Variants in SCAMP1 observed in about 807,000 individuals in gnomAD.
SCAMP1 encodes the protein secretory carrier membrane protein 1.
Under a neutral mutation model 41.8 loss-of-function variants are expected in SCAMP1, and 15 were observed. The ratio of observed to expected loss-of-function variants is 0.36; its 90% CI spans 0.24 to 0.55. The LOEUF is 0.55. SCAMP1 is among the 20% of genes least tolerant of loss of function. The pLI is 0.86. For missense variants in SCAMP1, 341 were observed against 412.6 expected (o/e 0.83, Z 1.50); for synonymous variants, 135 against 136.8 (o/e 0.99, Z 0.09).
intron 1 of SCAMP1, 88 bp downstream of exon 1, chr5:78,360,816 C>A: frequency 1.5e-6 from 2 of 1,309,936 alleles, no homozygotes; most frequent in Non-Finnish European, 2.1e-6. Context: ...CTGCGTCTGC[C>A]CCTCGGCTCC....
chr5:78,396,193 T>C (rs1751645237), intron 2 of SCAMP1, among the ~76,000 whole-genome samples: 1 of 152,188 alleles, frequency 6.6e-6, no homozygotes. Flanking sequence ...ATTATACATT[T>C]GTCCAAACCC....
intron 2 of SCAMP1, among the ~76,000 whole-genome samples, chr5:78,399,316 G>T (rs1390743313): frequency 2.6e-5 from 4 of 152,154 alleles, no homozygotes; most frequent in Non-Finnish European, 4.4e-5. Flanking sequence ...TAAGTTTTCA[G>T]TTCCTTTGGA....
intron 2 of SCAMP1, among the ~76,000 whole-genome samples, chr5:78,395,596 T>G (rs79926210): frequency 7.2e-5 from 11 of 152,322 alleles, no homozygotes; most frequent in African/African-American, 2.4e-4. Context: ...GAGGTTTAAT[T>G]GGGGAAGAAT....
chr5:78,391,465 C>T (rs1260030771), intron 2 of SCAMP1, among the ~76,000 whole-genome samples: 8 of 151,876 alleles, frequency 5.3e-5, no homozygotes, highest in Non-Finnish European at 8.8e-5. Context: ...GGCTGACCCC[C>T]ACCTCCCTCC....
intron 6 of SCAMP1, among the ~76,000 whole-genome samples, chr5:78,439,084 C>T (rs1752847361): frequency 6.6e-6 from 1 of 152,084 alleles, no homozygotes; most frequent in African/African-American, 2.4e-5. Context: ...TTCCTCCATC[C>T]CTTTATTTTG....
intron 6 of SCAMP1, among the ~76,000 whole-genome samples, chr5:78,438,739 G>T (rs1752833310): frequency 6.6e-6 from 1 of 152,200 alleles, no homozygotes; most frequent in Admixed American, 6.5e-5. Context: ...TCCGCTTGGT[G>T]CAGAGCTGAG....
rs62362633 is a variant in SCAMP1 at position 78,422,200 on chromosome 5, A to T, written c.632+240A>T. Among the ~76,000 whole-genome samples, 411 of 152,300 alleles carry T rather than the reference A, an allele frequency of 2.7e-3. 2 individuals are homozygous for T. The highest frequency in any genetic ancestry group is 3.8e-3 in the Non-Finnish European group (259 of 68,022). On this transcript the variant is annotated intron_variant, in intron 6 of 8. Transcript: ENST00000621999. ...AAACATGAAAATTGATGGAAAAATA[A>T]GAACAGTCTTAGAAGTTAATATTTA...
rs752806017 is a variant in SCAMP1 at position 78,421,844 on chromosome 5, T to C, written c.516T>C (p.Ala172=). The change falls in exon 6 of 9, where the codon GCT becomes GCC. Residue 172 remains alanine (A), a synonymous_variant. Transcript: ENST00000621999. ...TLFLNIFGCL[A]WFCVDSARAV... The stretch of plus-strand genomic sequence containing the variant: ...TTCTAAATATCTTCGGATGCTTGGC[T>C]TGGTTTTGTGTTGATTCTGCAAGAG... 2.5e-6 allele frequency: 4 copies of C among 1,613,784 alleles called. No homozygotes were observed. In the Middle Eastern group the frequency reaches 4.9e-4, roughly 199 times the overall value.
chr5:78,367,216 G>C (rs1183031726), intron 1 of SCAMP1, among the ~76,000 whole-genome samples: 2 of 152,180 alleles, frequency 1.3e-5, no homozygotes, highest in East Asian at 3.8e-4. Flanking sequence ...TCCTTTGTAA[G>C]ATGCACCATT....
intron 6 of SCAMP1, among the ~76,000 whole-genome samples, chr5:78,431,335 A>G (rs1186902145): frequency 6.6e-6 from 1 of 151,094 alleles, no homozygotes; most frequent in Non-Finnish European, 1.5e-5. Flanking sequence ...AGACGCAACT[A>G]TAGGTTGCCA....
intron 1 of SCAMP1, among the ~76,000 whole-genome samples, chr5:78,380,291 T>C (rs1332735536): frequency 6.6e-6 from 1 of 152,232 alleles, no homozygotes; most frequent in African/African-American, 2.4e-5. Context: ...TTTGCTGATA[T>C]TTCTTTGGAG....
intron 7 of SCAMP1, among the ~76,000 whole-genome samples, chr5:78,457,203 T>C (rs533081855): frequency 1.2e-3 from 178 of 152,286 alleles, no homozygotes; most frequent in Admixed American, 2.0e-3. Context: ...TCATTCTCCA[T>C]CCAGCTTTGT....
intron 6 of SCAMP1, among the ~76,000 whole-genome samples, chr5:78,425,762 A>C (rs1752453266): frequency 6.6e-6 from 1 of 152,132 alleles, no homozygotes; most frequent in Admixed American, 6.5e-5. Context: ...ACCCACTCTT[A>C]TGGGAAAATT....
At chr5:78,389,436 A>T (rs1156623860) in intron 2 of SCAMP1, among the ~76,000 whole-genome samples, 1 of 152,044 alleles carries the variant, frequency 6.6e-6, no homozygotes, top group East Asian at 1.9e-4. Context: ...TTTTTCTTTT[A>T]AAAATTTATT....
intron 2 of SCAMP1, among the ~76,000 whole-genome samples, chr5:78,399,683 TC>T (rs1299546915): frequency 5.9e-5 from 9 of 152,242 alleles, no homozygotes; most frequent in Non-Finnish European, 1.0e-4. Flanking sequence ...TTTTAAGGGT[TC>T]TTGTATCTTT....
In SCAMP1 at chr5:78,398,355, CTTTTTTTTTTTT is replaced by C. The variant is rs1197381285; in HGVS notation, c.135+9457_135+9468del. ...CTATAGTTTATCCTAGGGTTCACCT[CTTTTTTTTTTTT>C]TTTTTTTTTTTTTTTGAGACAGGGT... On this transcript the variant is annotated intron_variant, in intron 2 of 8. Transcript: ENST00000621999. 1.2e-4 allele frequency among the ~76,000 whole-genome samples: 7 copies of C among 57,464 alleles called. No homozygotes were observed. The East Asian group carries it at 2.0e-3, about 17-fold the overall frequency. The allele number at this position is 57,464 out of a possible 152,430, so 37.7% of individuals were successfully genotyped here.
Position 78,407,766 on chromosome 5 carries a change from A to G in SCAMP1, c.136-7754A>G, listed in dbSNP as rs190256895. ...TTCACTTCCATTCCTTTATTATTTCATCTTTGTGTAGTTTGCTGTTCAACT... is the reference window on the plus strand; with the variant it reads ...TTCACTTCCATTCCTTTATTATTTCGTCTTTGTGTAGTTTGCTGTTCAACT... On this transcript the variant is annotated intron_variant, in intron 2 of 8. Transcript: ENST00000621999. Among the ~76,000 whole-genome samples the G allele has an allele frequency of 4.0e-5, 6 of 151,308 alleles. No homozygotes were observed. The South Asian group carries it at 1.0e-3, about 26-fold the overall frequency.
chr5:78,415,544 C>A lies in SCAMP1; in HGVS notation c.160C>A (p.Pro54Thr), dbSNP rs753642589. The A allele has an allele frequency of 1.9e-6, 3 of 1,605,962 alleles. No homozygotes were observed. In the African/African-American group the frequency reaches 4.0e-5, roughly 21 times the overall value. ...RTPPPGGVKM[P>T]NVPNTQPAIM... is the part of the protein sequence containing the mutation. The stretch of plus-strand genomic sequence containing the variant: ...GCCTCCACCAGGCGGTGTGAAGATG[C>A]CTAATGTACCCAATACACAACCAGC... Residue 54 changes from proline (P) to threonine (T), a missense_variant, in exon 3 of 9, where the codon CCT (proline) becomes ACT (threonine). Pro to Thr is a conservative substitution (Grantham distance 38, BLOSUM62 -1). Transcript: ENST00000621999.
At chr5:78,469,963 G>C (rs764705742) in intron 8 of SCAMP1, among the ~76,000 whole-genome samples, 1 of 135,576 alleles carries the variant, frequency 7.4e-6, no homozygotes. Context: ...GGTGGTGTGA[G>C]TTTATTGTCC....
Sources: gnomAD v4.1 joint callset for allele counts (sites outside exome capture counted in the v4.1 genomes callset) on GRCh38, gnomAD v4.1.1 for gene constraint, MANE v1.5 for transcripts, NCBI Gene and HGNC (gene_info 2026-07-23, HGNC 2026-07-21) for gene names.